TEKT5: variants seen among roughly 807,000 people sequenced by gnomAD.
The protein encoded by TEKT5 is tektin 5.
A neutral mutation model predicts 48.7 loss-of-function variants in TEKT5; 52 were observed. The ratio of observed to expected loss-of-function variants is 1.07; its 90% confidence interval spans 0.86 to 1.35. TEKT5 has a LOEUF of 1.35. TEKT5 is among the 40% of genes most tolerant of loss of function. The probability of loss-of-function intolerance (pLI) is 0.00; values close to 1 mark genes in which losing one functional copy is unlikely to be tolerated. For synonymous variants in TEKT5, 318 were observed against 267.6 expected, an observed-to-expected ratio of 1.19 and a Z score of -1.84; for missense variants, 831 against 641.6, an observed-to-expected ratio of 1.30 and a Z score of -3.19.
At chr16:10,640,321 C>T (rs1897976541) in intron 5 of TEKT5, among the ~76,000 whole-genome samples, 1 of 152,140 alleles carries the variant, frequency 6.6e-6, no homozygotes, top group East Asian at 1.9e-4. Context: ...TTTCTGTTGC[C>T]CAGGCTGGTC....
At chr16:10,649,971 T>C (rs562452234) in intron 5 of TEKT5, among the ~76,000 whole-genome samples, 177 of 152,306 alleles carry the variant, frequency 1.2e-3, no homozygotes, top group Admixed American at 3.1e-3. Context: ...AGACTGGAAC[T>C]GACAGCTGCC....
chr16:10,689,457 G>C (rs1247176714), intron 2 of TEKT5, 134 bp from the exon 3 acceptor site: 16 of 743,272 alleles, frequency 2.2e-5, no homozygotes, highest in Non-Finnish European at 3.3e-5. Context: ...GTCAGCGTGG[G>C]GCCCCGCCTC....
rs56817283 is a variant in TEKT5 at position 10,652,743 on chromosome 16, T to C, written c.1087-16825A>G. Among the ~76,000 whole-genome samples the C allele has an allele frequency of 2.4e-3, 69 of 28,808 alleles. 2 individuals carry two copies. Among genetic ancestry groups the C allele is most frequent in the African/African-American group, 8.7e-3 (43 of 4,964 alleles). The allele number at this position is 28,808 out of a possible 152,430, so 18.9% of individuals were successfully genotyped here. ...CACACACCCTCCAGGCCAGGTAGAG[T>C]GATCCCTTATATACACAGGCAAACA... On this transcript the variant is annotated intron_variant, in intron 5 of 6. Coordinates refer to ENST00000283025, the MANE Select transcript of TEKT5 (RefSeq NM_144674.2).
At chr16:10,688,821 C>T (rs1327457279) in intron 3 of TEKT5, among the ~76,000 whole-genome samples, 1 of 152,200 alleles carries the variant, frequency 6.6e-6, no homozygotes, top group African/African-American at 2.4e-5. Context: ...TGGAGGTGCC[C>T]AGCCCCTGGC....
chr16:10,659,442 C>G (rs1417902014), intron 5 of TEKT5, among the ~76,000 whole-genome samples: 1 of 152,122 alleles, frequency 6.6e-6, no homozygotes, highest in Non-Finnish European at 1.5e-5. Flanking sequence ...TGCAGTGGTG[C>G]AATCTCGGCT....
chr16:10,655,477 G>C (rs1450623514), intron 5 of TEKT5, among the ~76,000 whole-genome samples: 2 of 152,200 alleles, frequency 1.3e-5, no homozygotes, highest in Non-Finnish European at 2.9e-5. Context: ...TGAGGGTTAT[G>C]TAAGATTATG....
At chr16:10,663,293 T>C (rs1443041821) in intron 5 of TEKT5, among the ~76,000 whole-genome samples, 1 of 152,146 alleles carries the variant, frequency 6.6e-6, no homozygotes, top group Non-Finnish European at 1.5e-5. Flanking sequence ...CTTGTGACAG[T>C]GGAGAAAGCC....
At chr16:10,672,696 A>G (rs1393437562) in intron 5 of TEKT5, among the ~76,000 whole-genome samples, 1 of 152,202 alleles carries the variant, frequency 6.6e-6, no homozygotes, top group South Asian at 2.1e-4. Flanking sequence ...TTAAATCAGG[A>G]GCAGTGCTCT....
At chr16:10,652,809 T>A (rs1898188898) in intron 5 of TEKT5, among the ~76,000 whole-genome samples, 2 of 98,334 alleles carry the variant, frequency 2.0e-5, no homozygotes, top group African/African-American at 8.2e-5. Context: ...CCAGGCCAGG[T>A]AGAACGATCC....
chr16:10,694,581 T>C lies in TEKT5; in HGVS notation c.293A>G (p.Asn98Ser). ...CTCGGCCCCACGCACCTGCAGCTGG[T>C]TGGACTGGTCCCAGTCGTGGGGGCT... ...RYSPHDWDQS[N>S]QLQVRGAEAS... The change falls in exon 1 of 7, where the codon AAC becomes AGC. Residue 98 changes from asparagine to serine, a missense_variant. Coordinates refer to ENST00000283025, the MANE Select transcript of TEKT5 (RefSeq NM_144674.2). 1 of 1,605,538 alleles carries C rather than the reference T, an allele frequency of 6.2e-7. No individual in the cohort carries two copies. Among genetic ancestry groups the C allele is most frequent in the East Asian group, 2.2e-5 (1 of 44,820 alleles).
At chr16:10,630,596 A>G (rs1164785649) in intron 6 of TEKT5, among the ~76,000 whole-genome samples, 1 of 152,154 alleles carries the variant, frequency 6.6e-6, no homozygotes, top group African/African-American at 2.4e-5. Flanking sequence ...GTGGAGTAGA[A>G]CTTTCTGCAA....
chr16:10,681,927 G>A, intron 4 of TEKT5, 66 bp downstream of exon 4: 2 of 1,570,996 alleles, frequency 1.3e-6, no homozygotes, highest in Admixed American at 1.7e-5. Context: ...CCATTCGTTG[G>A]CAGGAGCAGA....
At chr16:10,649,176 T>A (rs1898115562) in intron 5 of TEKT5, among the ~76,000 whole-genome samples, 1 of 152,176 alleles carries the variant, frequency 6.6e-6, no homozygotes, top group Middle Eastern at 3.2e-3. Context: ...TGGAGTGCAG[T>A]GGCACTATCA....
intron 3 of TEKT5, among the ~76,000 whole-genome samples, chr16:10,686,150 T>C (rs1215941709): frequency 6.6e-6 from 1 of 152,180 alleles, no homozygotes; most frequent in East Asian, 1.9e-4. Flanking sequence ...GCATTTACAG[T>C]CAATTGATTT....
chr16:10,647,998 C>G (rs1394120415), intron 5 of TEKT5, among the ~76,000 whole-genome samples: 3 of 152,228 alleles, frequency 2.0e-5, no homozygotes, highest in Non-Finnish European at 4.4e-5. Context: ...CATACGAGTA[C>G]TGGCTACAAG....
intron 5 of TEKT5, among the ~76,000 whole-genome samples, chr16:10,645,505 T>C (rs1345580714): frequency 2.6e-5 from 4 of 151,932 alleles, no homozygotes; most frequent in African/African-American, 4.8e-5. Flanking sequence ...AGCAAGATCC[T>C]ATATAATAAT....
At chr16:10,666,834 C>T (rs946040556) in intron 5 of TEKT5, among the ~76,000 whole-genome samples, 4 of 152,180 alleles carry the variant, frequency 2.6e-5, no homozygotes, top group Non-Finnish European at 4.4e-5. Context: ...AATACTGATG[C>T]GGGTGTGTTT....
Position 10,694,399 on chromosome 16 carries a change from G to A in TEKT5, c.475C>T (p.Leu159=). The change falls in exon 1 of 7, where the codon CTG becomes TTG. Residue 159 remains leucine, a synonymous_variant. Transcript: ENST00000283025. ...GFWKSELSYE[L]DRLLTENQNL... ...TGGTTCTCAGTCAGAAGCCTGTCCA[G>A]CTCATAGCTCAGCTCTGACTTCCAG... The A allele has an allele frequency of 3.1e-6, 5 of 1,614,138 alleles. No homozygotes were observed. The highest frequency in any genetic ancestry group is 4.2e-6 in the Non-Finnish European group (5 of 1,180,038).
At chr16:10,665,802 G>C (rs1898446261) in intron 5 of TEKT5, among the ~76,000 whole-genome samples, 1 of 152,170 alleles carries the variant, frequency 6.6e-6, no homozygotes, top group Non-Finnish European at 1.5e-5. Context: ...TGGTGCTAAG[G>C]TGGGCATCAG....
Sources: gnomAD v4.1 joint callset for allele counts (sites outside exome capture counted in the v4.1 genomes callset) on GRCh38, gnomAD v4.1.1 for gene constraint, MANE v1.5 for transcripts, NCBI Gene and HGNC (gene_info 2026-07-23, HGNC 2026-07-21) for gene names.